RHOBTB1: variants seen among roughly 807,000 people sequenced by gnomAD.
RHOBTB1 encodes rho-related BTB domain-containing protein 1.
In RHOBTB1, 40 loss-of-function variants were observed where a neutral mutation model predicts 71.6. The ratio of observed to expected loss-of-function variants is 0.56; its 90% CI spans 0.43 to 0.73. The LOEUF (loss-of-function observed/expected upper bound fraction) is 0.73, where lower values mean the gene tolerates loss of function less well. RHOBTB1 is among the 30% of genes least tolerant of loss of function. The probability of loss-of-function intolerance (pLI) is 0.00; values close to 1 mark genes in which losing one functional copy is unlikely to be tolerated. For synonymous variants in RHOBTB1, 319 were observed against 334.9 expected (o/e 0.95, Z 0.52); for missense variants, 797 against 894.0 (o/e 0.89, Z 1.38).
At chr10:60,940,072 T>C (rs1314903409) in intron 2 of RHOBTB1, among the ~76,000 whole-genome samples, 3 of 152,304 alleles carry the variant, frequency 2.0e-5, no homozygotes, top group South Asian at 2.1e-4. Context: ...AGTGCTGTTA[T>C]AGAATGTGAC....
chr10:60,974,395 T>A (rs1470593861), intron 2 of RHOBTB1, among the ~76,000 whole-genome samples: 1 of 152,062 alleles, frequency 6.6e-6, no homozygotes, highest in Non-Finnish European at 1.5e-5. Flanking sequence ...TTCTCTTTGT[T>A]TTTCAAATTT....
chr10:60,925,180 G>A (rs758153466), intron 2 of RHOBTB1, among the ~76,000 whole-genome samples: 2 of 152,060 alleles, frequency 1.3e-5, no homozygotes, highest in Non-Finnish European at 2.9e-5. Context: ...GCTTCCTGAG[G>A]TCTCTCCAGA....
At chr10:60,911,283 GA>G in intron 3 of RHOBTB1, 67 bp downstream of exon 3, 1 of 1,445,156 alleles carries the variant, frequency 6.9e-7, no homozygotes, top group Non-Finnish European at 9.4e-7. Context: ...TCCTCCTTTA[GA>G]AAAAATCAGA....
chr10:60,912,327 G>C (rs1026141715), intron 2 of RHOBTB1, among the ~76,000 whole-genome samples: 6 of 152,044 alleles, frequency 3.9e-5, no homozygotes, highest in Non-Finnish European at 5.9e-5. Flanking sequence ...TCTGCCTCCT[G>C]GGTTCAAGCG....
chr10:60,886,846 G>A (rs889680624), intron 6 of RHOBTB1, among the ~76,000 whole-genome samples: 1 of 150,440 alleles, frequency 6.6e-6, no homozygotes, highest in African/African-American at 2.4e-5. Context: ...GGCTATATGT[G>A]TATTTTTGTA....
At chr10:60,948,023 G>A (rs2134354902), upstream of RHOBTB1, among the ~76,000 whole-genome samples, 1 of 152,204 alleles carries the variant, frequency 6.6e-6, no homozygotes, top group East Asian at 1.9e-4. Flanking sequence ...GTTGTGTAGA[G>A]ACAACTCATT....
At chr10:60,981,703 A>C (rs2086500758) in intron 2 of RHOBTB1, among the ~76,000 whole-genome samples, 1 of 152,190 alleles carries the variant, frequency 6.6e-6, no homozygotes, top group African/African-American at 2.4e-5. Context: ...AAAACATGAC[A>C]ATCAGGAGAC....
chr10:60,888,381 A>T lies in RHOBTB1; in HGVS notation c.1287T>A (p.Asp429Glu). 6.2e-7 allele frequency: 1 copy of T among 1,614,024 alleles called. No individual in the cohort carries two copies. Among genetic ancestry groups the T allele is most frequent in the South Asian group, 1.1e-5 (1 of 91,072 alleles). ...YTGQLDEKEK[D>E]LVGLAQIAEV... ...CTGCGATCTGAGCCAGGCCCACCAA[A>T]TCCTTTTCCTTTTCATCCAGTTGTC... Residue 429 changes from aspartate to glutamate, a missense_variant, in exon 6 of 11, where the codon GAT becomes GAA. Physicochemically the swap from Asp to Glu is conservative, Grantham distance 45. Transcript: ENST00000337910.
chr10:60,940,238 T>A (rs572625981), intron 2 of RHOBTB1, among the ~76,000 whole-genome samples: 1 of 152,290 alleles, frequency 6.6e-6, no homozygotes, highest in South Asian at 2.1e-4. Context: ...TTAAAAAAGA[T>A]GATATCCTAA....
At chr10:60,930,985 A>G (rs2084212355) in intron 2 of RHOBTB1, among the ~76,000 whole-genome samples, 1 of 151,352 alleles carries the variant, frequency 6.6e-6, no homozygotes, top group Non-Finnish European at 1.5e-5. Flanking sequence ...TCTGTCATGT[A>G]ACAGGAAGCA....
chr10:60,960,350 A>T (rs960021884), intron 2 of RHOBTB1, among the ~76,000 whole-genome samples: 4 of 152,206 alleles, frequency 2.6e-5, no homozygotes, highest in African/African-American at 9.6e-5. Flanking sequence ...ATCAAATAGT[A>T]TGTTTACGTA....
intron 2 of RHOBTB1, among the ~76,000 whole-genome samples, chr10:60,960,745 G>A (rs1187040490): frequency 6.6e-6 from 1 of 152,146 alleles, no homozygotes; most frequent in Non-Finnish European, 1.5e-5. Context: ...GGCTGCCCTG[G>A]CAGCTACCCC....
chr10:60,970,125 A>G (rs2134656674), intron 2 of RHOBTB1, among the ~76,000 whole-genome samples: 1 of 152,308 alleles, frequency 6.6e-6, no homozygotes, highest in African/African-American at 2.4e-5. Flanking sequence ...GCTGTCATTT[A>G]GCAAAATGTC....
At chr10:60,895,657 G>A (rs1384256679) in intron 4 of RHOBTB1, among the ~76,000 whole-genome samples, 1 of 152,188 alleles carries the variant, frequency 6.6e-6, no homozygotes, top group Non-Finnish European at 1.5e-5. Flanking sequence ...ACCCACCTTG[G>A]CCTCCCAAAG....
downstream of RHOBTB1, among the ~76,000 whole-genome samples, chr10:60,864,610 C>CT (rs1193723260): frequency 4.0e-5 from 6 of 151,526 alleles, no homozygotes; most frequent in South Asian, 6.3e-4. Flanking sequence ...ATTTTTCTTT[C>CT]TTTTTTTTTC....
chr10:60,972,592 G>T (rs1275926177), intron 2 of RHOBTB1, among the ~76,000 whole-genome samples: 1 of 151,954 alleles, frequency 6.6e-6, no homozygotes, highest in Non-Finnish European at 1.5e-5. Flanking sequence ...GTAGATGACA[G>T]GTTGATGGGT....
Position 60,911,370 on chromosome 10 carries a change from T to C in RHOBTB1, c.173A>G (p.Gln58Arg). The change falls in exon 3 of 11, where the codon CAG (glutamine) becomes CGG (arginine). Residue 58 changes from glutamine to arginine, a missense_variant. This residue lies in a region of RHOBTB1 where 139 missense variants were observed against 212.5 expected (regional missense o/e 0.65). Coordinates refer to ENST00000337910, the MANE Select transcript of RHOBTB1 (RefSeq NM_014836.5). Reference sequence around the variant, plus strand: ...TCTTACCTCCTGGCACACGCGGTACTGGTCAATCGCCCACACTGTTGGCAC... The same window carrying C: ...TCTTACCTCCTGGCACACGCGGTACCGGTCAATCGCCCACACTGTTGGCAC... ...THVPTVWAID[Q>R]YRVCQEVLER... 1 of 1,613,634 alleles carries C rather than the reference T, an allele frequency of 6.2e-7. No individual in the cohort carries two copies. Among genetic ancestry groups the C allele is most frequent in the South Asian group, 1.1e-5 (1 of 91,078 alleles).
Position 60,870,520 on chromosome 10 carries a change from T to C in RHOBTB1, c.*962A>G, listed in dbSNP as rs1230141261. The C allele has an allele frequency of 1.3e-5, 2 of 152,206 alleles. No individual in the cohort carries two copies. Among genetic ancestry groups the C allele is most frequent in the Non-Finnish European group, 2.9e-5 (2 of 68,034 alleles). The allele number at this position is 152,206 out of a possible 1,614,324, so 9.4% of individuals were successfully genotyped here. The stretch of plus-strand genomic sequence containing the variant: ...GAAGCCTGTTTCTGGTGGTGAGATG[T>C]GACAAGCCTGTAGATGGCAGGAGGG... On this transcript the variant is annotated 3_prime_UTR_variant, in exon 11 of 11. Transcript: ENST00000337910.
At chr10:60,961,683 G>A (rs1357975237) in intron 2 of RHOBTB1, among the ~76,000 whole-genome samples, 2 of 152,038 alleles carry the variant, frequency 1.3e-5, no homozygotes, top group East Asian at 3.8e-4. Context: ...TTAGCATGAA[G>A]TTCAAATGCA....
Sources: gnomAD v4.1 joint callset for allele counts (sites outside exome capture counted in the v4.1 genomes callset) on GRCh38, gnomAD v4.1.1 for gene constraint, gnomAD v4.1.1 regional missense constraint, MANE v1.5 for transcripts, NCBI Gene and HGNC (gene_info 2026-07-23, HGNC 2026-07-21) for gene names.